Variants in AGBL1 observed in about 807,000 individuals in gnomAD.
The protein encoded by AGBL1 is cytosolic carboxypeptidase 4.
AGBL1 carries 130 observed loss-of-function variants against 118.9 expected under a neutral mutation model. The ratio of observed to expected loss-of-function variants is 1.09; its 90% CI spans 0.95 to 1.26. AGBL1 has a LOEUF of 1.26. AGBL1 is among the 50% of genes most tolerant of loss of function. The pLI is 0.00. For synonymous variants in AGBL1, 555 were observed against 478.9 expected (o/e 1.16, Z -2.08); for missense variants, 1,584 against 1,298.1 (o/e 1.22, Z -3.38).
intron 24 of AGBL1, among the ~76,000 whole-genome samples, chr15:87,022,465 G>A (rs971521427): frequency 6.6e-6 from 1 of 152,068 alleles, no homozygotes; most frequent in African/African-American, 2.4e-5. Context: ...TATATTAAAT[G>A]ACCAAACTTA....
At chr15:86,708,906 T>C (rs927539031) in intron 22 of AGBL1, among the ~76,000 whole-genome samples, 1 of 152,108 alleles carries the variant, frequency 6.6e-6, no homozygotes, top group African/African-American at 2.4e-5. Context: ...ATTTTGTTGC[T>C]TCACTTCCAC....
chr15:86,488,302 A>G (rs1049688098), intron 18 of AGBL1, among the ~76,000 whole-genome samples: 8 of 151,950 alleles, frequency 5.3e-5, no homozygotes, highest in African/African-American at 1.9e-4. Flanking sequence ...TTCCATCCCA[A>G]CTGAAAAGCA....
intron 18 of AGBL1, among the ~76,000 whole-genome samples, chr15:86,482,803 T>G (rs1443538722): frequency 6.6e-6 from 1 of 152,054 alleles, no homozygotes; most frequent in African/African-American, 2.4e-5. Flanking sequence ...TCATTTTGCT[T>G]TACATGATCT....
chr15:86,874,852 A>G (rs2079784483), intron 22 of AGBL1, among the ~76,000 whole-genome samples: 1 of 152,156 alleles, frequency 6.6e-6, no homozygotes, highest in African/African-American at 2.4e-5. Context: ...ACTTTTAAAA[A>G]TAGGATTTTA....
intron 22 of AGBL1, among the ~76,000 whole-genome samples, chr15:86,898,667 A>C (rs1321445733): frequency 6.6e-6 from 1 of 152,250 alleles, no homozygotes; most frequent in Non-Finnish European, 1.5e-5. Context: ...ATAGTCTAAT[A>C]TCCAGCATCT....
At chr15:86,704,189 G>C (rs1398225910) in intron 22 of AGBL1, among the ~76,000 whole-genome samples, 1 of 152,094 alleles carries the variant, frequency 6.6e-6, no homozygotes, top group Non-Finnish European at 1.5e-5. Flanking sequence ...AAAAACCCTA[G>C]AAGAAAACCT....
intron 5 of AGBL1, among the ~76,000 whole-genome samples, chr15:86,198,662 TTC>T (rs148093995): frequency 2.3e-4 from 35 of 149,632 alleles, no homozygotes; most frequent in Non-Finnish European, 2.8e-4. Context: ...GAGGAAGATT[TTC>T]TCTCTCTCTC....
intron 24 of AGBL1, among the ~76,000 whole-genome samples, chr15:87,022,984 C>G (rs1313102197): frequency 6.6e-6 from 1 of 151,932 alleles, no homozygotes; most frequent in Non-Finnish European, 1.5e-5. Context: ...TGAAACAAAT[C>G]CTGGAAACAA....
chr15:86,526,056 G>T (rs180940016), intron 19 of AGBL1, among the ~76,000 whole-genome samples: 1 of 152,220 alleles, frequency 6.6e-6, no homozygotes, highest in East Asian at 1.9e-4. Flanking sequence ...GTGGTTAAAT[G>T]ACGTGAACAG....
At chr15:86,697,903 T>C (rs1306424876) in intron 22 of AGBL1, among the ~76,000 whole-genome samples, 1 of 151,952 alleles carries the variant, frequency 6.6e-6, no homozygotes, top group East Asian at 1.9e-4. Context: ...TTCAGGTCTC[T>C]CAGCCATGGA....
chr15:86,984,739 G>A (rs911689986), intron 23 of AGBL1, among the ~76,000 whole-genome samples: 3 of 152,018 alleles, frequency 2.0e-5, no homozygotes, highest in Non-Finnish European at 4.4e-5. Context: ...ACATATAGGT[G>A]CAATATTTTT....
At chr15:86,454,268 T>C (rs919313041) in intron 18 of AGBL1, among the ~76,000 whole-genome samples, 9 of 152,322 alleles carry the variant, frequency 5.9e-5, no homozygotes, top group African/African-American at 2.2e-4. Context: ...TCATTAAAAA[T>C]GAAGCTAATT....
rs568754833 is a variant in AGBL1 at position 86,083,230 on chromosome 15, G to A, written c.51+3207G>A. The A allele has an allele frequency of 4.6e-5, 7 of 152,174 alleles. No individual in the cohort carries two copies. In the East Asian group the frequency reaches 5.8e-4, roughly 13 times the overall value. 9.4% of individuals were successfully genotyped at this position (152,174 alleles called of 1,614,324 possible). Reference sequence around the variant, plus strand: ...GAGGTGTCTCATTTGTCCTGCTCTCGTCTCTCCATGTGGTTTGAGCTAATG... The same window carrying A: ...GAGGTGTCTCATTTGTCCTGCTCTCATCTCTCCATGTGGTTTGAGCTAATG... On this transcript the variant is annotated intron_variant, in intron 1 of 22. Transcript: ENST00000614907.
chr15:86,266,778 TG>T (rs2079080186), intron 12 of AGBL1, among the ~76,000 whole-genome samples: 1 of 152,144 alleles, frequency 6.6e-6, no homozygotes, highest in African/African-American at 2.4e-5. Flanking sequence ...GGCGGGTGCC[TG>T]TAGTCCCGCT....
rs992003548 is a variant in AGBL1 at position 86,252,474 on chromosome 15, G to C, written c.736-4379G>C. 5.3e-5 allele frequency among the ~76,000 whole-genome samples: 8 copies of C among 152,192 alleles called. No homozygotes were observed. The South Asian group carries it at 1.0e-3, about 20-fold the overall frequency. On this transcript the variant is annotated intron_variant, in intron 7 of 22. Coordinates refer to ENST00000614907, the MANE Select transcript of AGBL1 (RefSeq NM_001386094.1). ...GGCTGGGTTCTATAGGGGGTTCAAA[G>C]ATGAAGGTGATAGAGGACTCATCAT...
At chr15:86,534,160 A>C (rs940889695) in intron 19 of AGBL1, among the ~76,000 whole-genome samples, 18 of 150,562 alleles carry the variant, frequency 1.2e-4, no homozygotes, top group Middle Eastern at 3.4e-3. Flanking sequence ...TGAGGAACCC[A>C]GATTTTACTT....
At chr15:86,755,442 G>A (rs2077921794) in intron 22 of AGBL1, among the ~76,000 whole-genome samples, 1 of 152,118 alleles carries the variant, frequency 6.6e-6, no homozygotes, top group African/African-American at 2.4e-5. Context: ...CACAGCTAAA[G>A]TTAAAATGCC....
At position 86,084,950 on chromosome 15, in the gene AGBL1, C is replaced by T. The variant is rs1046029400; in HGVS notation, c.51+4927C>T. Among the ~76,000 whole-genome samples the T allele has an allele frequency of 4.6e-5, 7 of 152,254 alleles. No homozygotes were observed. The East Asian group carries it at 1.3e-3, about 29-fold the overall frequency. ...AGATGTGTAAAAATGAGAATTATAA[C>T]CCCTACTTATTGATTTTTTATAAGT... On this transcript the variant is annotated intron_variant, in intron 1 of 22. Transcript: ENST00000614907.
intron 7 of AGBL1, among the ~76,000 whole-genome samples, chr15:86,249,708 C>G (rs1236547302): frequency 1.3e-5 from 2 of 152,152 alleles, no homozygotes; most frequent in Non-Finnish European, 2.9e-5. Context: ...CCTCTGCCCT[C>G]CATGTTATTG....
Sources: allele counts gnomAD v4.1 joint callset (sites outside exome capture counted in the v4.1 genomes callset), GRCh38; gene constraint gnomAD v4.1.1; transcripts MANE v1.5; gene names NCBI Gene and HGNC (gene_info 2026-07-23, HGNC 2026-07-21).